SLIT3: variants seen among roughly 807,000 people sequenced by gnomAD.
SLIT3 encodes the protein slit homolog 3 protein.
A neutral mutation model predicts 184.0 loss-of-function variants in SLIT3; 68 were observed. The observed-to-expected ratio is 0.37, with a 90% CI of 0.30 to 0.45. SLIT3 has a LOEUF of 0.45. Among genes scored for constraint, SLIT3 ranks in the 20% least tolerant of loss-of-function variants. The probability of loss-of-function intolerance (pLI) is 1.00; values close to 1 mark genes in which losing one functional copy is unlikely to be tolerated. For missense variants in SLIT3, 1,707 were observed against 2,026.0 expected (o/e 0.84, Z 3.02); for synonymous variants, 831 against 828.6 (o/e 1.00, Z -0.05).
intron 4 of SLIT3, among the ~76,000 whole-genome samples, chr5:169,123,509 A>G (rs972133846): frequency 5.3e-5 from 8 of 152,234 alleles, no homozygotes; most frequent in East Asian, 1.9e-4. Flanking sequence ...AGCCAATGCC[A>G]CAGACATCTC....
chr5:169,087,044 A>G (rs1048495508), intron 4 of SLIT3, among the ~76,000 whole-genome samples: 3 of 152,246 alleles, frequency 2.0e-5, no homozygotes, highest in African/African-American at 2.4e-5. Flanking sequence ...CTAGCCAGCA[A>G]TAAGAGTCAG....
intron 4 of SLIT3, among the ~76,000 whole-genome samples, chr5:169,192,429 G>C (rs1005990805): frequency 1.6e-4 from 23 of 141,350 alleles, no homozygotes; most frequent in African/African-American, 5.5e-4. Context: ...GTCTCTGTGT[G>C]TGTGTGTGTG....
rs986482398 is a variant in SLIT3, at chr5:169,300,435, A to C, written c.197+78T>G. ...CTGCATCCAGGGAGGCCGAGGGGAA[A>C]GGACGGATCTGGCGCCTGGGGCCCC... On this transcript the variant is annotated intron_variant, in intron 1 of 35. Transcript: ENST00000519560. The surrounding 1 kb of genome is among the most constrained non-coding windows in gnomAD (Gnocchi z 4.1). The C allele has an allele frequency of 1.4e-5, 19 of 1,369,628 alleles. No homozygotes were observed. The African/African-American group carries it at 2.9e-4, about 21-fold the overall frequency. 84.8% of individuals were successfully genotyped at this position (1,369,628 alleles called of 1,614,324 possible).
At chr5:169,109,084 T>C (rs1376341627) in intron 4 of SLIT3, among the ~76,000 whole-genome samples, 1 of 152,220 alleles carries the variant, frequency 6.6e-6, no homozygotes, top group Non-Finnish European at 1.5e-5. Flanking sequence ...GATGTCACTC[T>C]TTTGATGAGG....
At chr5:168,744,781 GCTCA>G (rs1306455922) in intron 20 of SLIT3, among the ~76,000 whole-genome samples, 2 of 152,190 alleles carry the variant, frequency 1.3e-5, no homozygotes, top group African/African-American at 4.8e-5. Flanking sequence ...AAATATTACT[GCTCA>G]CTGACAATGT....
chr5:168,904,486 T>TAAC (rs1395902465), intron 4 of SLIT3, among the ~76,000 whole-genome samples: 7 of 72,638 alleles, frequency 9.6e-5, no homozygotes, highest in East Asian at 1.0e-3. Flanking sequence ...ACTTTAGAAA[T>TAAC]AACAATAATA....
chr5:168,848,980 AC>A (rs1758580059), intron 5 of SLIT3, among the ~76,000 whole-genome samples: 1 of 152,224 alleles, frequency 6.6e-6, no homozygotes, highest in Admixed American at 6.5e-5. Context: ...TAAAAAACTG[AC>A]TACAATTTAA....
chr5:168,813,850 T>C (rs895878541), intron 8 of SLIT3, among the ~76,000 whole-genome samples: 1 of 152,162 alleles, frequency 6.6e-6, no homozygotes, highest in East Asian at 1.9e-4. Flanking sequence ...TGGAGCCATG[T>C]GTTTGGTGAA....
chr5:168,952,573 A>T (rs1414601646), intron 4 of SLIT3, among the ~76,000 whole-genome samples: 3 of 52,102 alleles, frequency 5.8e-5, no homozygotes, highest in East Asian at 5.3e-4. Flanking sequence ...AAGGGATTTA[A>T]AAAAAAAAAA....
chr5:168,728,523 C>T (rs1403641273), intron 20 of SLIT3, among the ~76,000 whole-genome samples: 7 of 151,848 alleles, frequency 4.6e-5, no homozygotes, highest in Non-Finnish European at 8.8e-5. Context: ...TAAAGAAGCT[C>T]AATGAGATGC....
intron 1 of SLIT3, among the ~76,000 whole-genome samples, chr5:169,287,655 C>G (rs1443371734): frequency 6.7e-6 from 1 of 149,698 alleles, no homozygotes; most frequent in Non-Finnish European, 1.5e-5. Flanking sequence ...GGGAAGCCAA[C>G]AAGAGGGGGA....
intron 4 of SLIT3, among the ~76,000 whole-genome samples, chr5:168,893,983 T>C (rs1426319496): frequency 6.6e-6 from 1 of 152,180 alleles, no homozygotes; most frequent in Non-Finnish European, 1.5e-5. Flanking sequence ...CTTGGGCCCA[T>C]TTCTGTTGGT....
At chr5:169,122,040 C>T (rs1477585772) in intron 4 of SLIT3, among the ~76,000 whole-genome samples, 1 of 152,198 alleles carries the variant, frequency 6.6e-6, no homozygotes, top group East Asian at 1.9e-4. Flanking sequence ...GGGCAACTTC[C>T]GGTTGCTTTC....
chr5:169,217,950 A>G (rs998073340), intron 3 of SLIT3, among the ~76,000 whole-genome samples: 2 of 152,238 alleles, frequency 1.3e-5, no homozygotes, highest in African/African-American at 4.8e-5. Flanking sequence ...GAGGTTGCAC[A>G]GAAAGCAAGA....
chr5:168,942,750 AGGGCCTCTG>A (rs367912557), intron 4 of SLIT3, among the ~76,000 whole-genome samples: 53,508 of 151,842 alleles, frequency 0.35, 10,000 homozygotes, highest in African/African-American at 0.48. Context: ...TTTGCCTTTC[AGGGCCTCTG>A]GAGTTTGTGG....
chr5:168,931,049 C>T (rs1339762031), intron 4 of SLIT3, among the ~76,000 whole-genome samples: 2 of 152,132 alleles, frequency 1.3e-5, no homozygotes, highest in African/African-American at 4.8e-5. Context: ...TGCTGACAGC[C>T]AGCCCGGCCC....
chr5:168,867,068 G>A lies in SLIT3; in HGVS notation c.485+16197C>T, dbSNP rs181369947. On this transcript the variant is annotated intron_variant, in intron 5 of 35. Transcript: ENST00000519560. Reference sequence around the variant, plus strand: ...ATCAGCTGTGGAGTGGTTTAAACATGCAGATTCCTGGGCCTTGACCAGAAA... The same window carrying A: ...ATCAGCTGTGGAGTGGTTTAAACATACAGATTCCTGGGCCTTGACCAGAAA... 2.0e-5 allele frequency among the ~76,000 whole-genome samples: 3 copies of A among 152,268 alleles called. 1 individual carries two copies. The highest frequency in any genetic ancestry group is 4.4e-5 in the Non-Finnish European group (3 of 68,034).
Position 168,789,597 on chromosome 5 carries a change from G to C in SLIT3, c.1042C>G (p.Pro348Ala). The change falls in exon 11 of 36, where the codon CCA becomes GCA. Residue 348 changes from proline (P) to alanine (A), a missense_variant. Pro to Ala is a conservative substitution (Grantham distance 27, BLOSUM62 -1). This residue lies in a region of SLIT3 where 1,307 missense variants were observed against 1,511.6 expected (regional missense o/e 0.86). Coordinates refer to ENST00000519560, the MANE Select transcript of SLIT3 (RefSeq NM_003062.4). ...GATTTCAGGCCCTGGAAGGCATCTG[G>C]AGCAATATCCGATATCTGATTCTTG... The part of the protein sequence containing the change: ...ISKNQISDIA[P>A]DAFQGLKSLT... 6.2e-7 allele frequency: 1 copy of C among 1,613,708 alleles called. No homozygotes were observed. The highest frequency in any genetic ancestry group is 8.5e-7 in the Non-Finnish European group (1 of 1,179,872).
At chr5:169,243,923 G>C (rs1765489238) in intron 3 of SLIT3, among the ~76,000 whole-genome samples, 1 of 152,254 alleles carries the variant, frequency 6.6e-6, no homozygotes, top group African/African-American at 2.4e-5. Flanking sequence ...TCAGAGGGCA[G>C]AAAGCAAATA....
Sources: gnomAD v4.1 joint callset for allele counts (sites outside exome capture counted in the v4.1 genomes callset) on GRCh38, gnomAD v4.1.1 for gene constraint, gnomAD v4.1.1 regional missense constraint, Gnocchi (gnomAD v3.1) non-coding constraint, MANE v1.5 for transcripts, NCBI Gene and HGNC (gene_info 2026-07-23, HGNC 2026-07-21) for gene names.